Variants in CCT2 observed in about 807,000 individuals in gnomAD.
CCT2 encodes chaperonin containing TCP1 subunit 2, also known as T-complex protein 1 subunit beta.
In CCT2, 18 loss-of-function variants were observed where a neutral mutation model predicts 61.8. The ratio of observed to expected loss-of-function variants is 0.29; its 90% CI spans 0.20 to 0.43. CCT2 has a LOEUF of 0.43. Ranked by LOEUF, CCT2 falls within the 20% of genes least tolerant of loss-of-function variation. The pLI is 1.00. For synonymous variants in CCT2, 248 were observed against 215.9 expected (o/e 1.15, Z -1.30); for missense variants, 556 against 656.9 (o/e 0.85, Z 1.68).
In CCT2 at chr12:69,587,573, A is replaced by G. The variant is rs1390487936; in HGVS notation, c.213A>G (p.Leu71=). Residue 71 remains leucine (L), a synonymous_variant, in exon 4 of 16, where the codon CTA becomes CTG. Coordinates refer to ENST00000299300, the MANE Select transcript of CCT2 (RefSeq NM_006431.3). The part of the protein sequence containing the change: ...LMVTNDGATI[L]KNIGVDNPAA... The stretch of plus-strand genomic sequence containing the variant: ...TAACCAATGATGGTGCCACTATTCT[A>G]AAAAACATTGGTGTTGACAATCCAG... 3 of 1,613,506 alleles carry G rather than the reference A, an allele frequency of 1.9e-6. No homozygotes were observed. The highest frequency in any genetic ancestry group is 1.1e-5 in the South Asian group (1 of 91,070).
At chr12:69,600,033 T>G in intron 15 of CCT2, 29 bp downstream of exon 15, 1 of 1,578,234 alleles carries the variant, frequency 6.3e-7, no homozygotes, top group Non-Finnish European at 8.6e-7. Context: ...CAGAAAAAAT[T>G]ACTAACAGCA....
Position 69,589,684 on chromosome 12 carries a change from G to T in CCT2, c.646G>T (p.Glu216Ter). The change falls in exon 7 of 16, where the codon GAA (glutamate) becomes TAA (stop). Residue 216 changes from glutamate to a stop codon, truncating the protein, a stop_gained. Coordinates refer to ENST00000299300, the MANE Select transcript of CCT2 (RefSeq NM_006431.3). LOFTEE classifies it high-confidence loss of function. ...AAGTTTGGCAGATTCCTATTTAGAT[G>T]AAGGTATGTATGAATGTCAGATACA... ...GGSLADSYLD[E>*]GFLLDKKIGV... The T allele has an allele frequency of 6.2e-7, 1 of 1,609,412 alleles. No homozygotes were observed.
chr12:69,586,022 C>A, intron 1 of CCT2: 2 of 1,371,618 alleles, frequency 1.5e-6, no homozygotes, highest in South Asian at 3.3e-5. Context: ...ACGTAACTGT[C>A]AATCTCGCTG....
rs548244661 is a variant in CCT2 at position 69,591,617 on chromosome 12, A to T, written c.650-442A>T. ...ATATCTGAAACAAAAGTTTCAAAAT[A>T]CTGTTTAATTTTATTGTCTGTACTG... On this transcript the variant is annotated intron_variant, in intron 7 of 15. Coordinates refer to ENST00000299300, the MANE Select transcript of CCT2 (RefSeq NM_006431.3). Among the ~76,000 whole-genome samples the T allele has an allele frequency of 9.2e-5, 14 of 152,304 alleles. No individual in the cohort carries two copies. In the South Asian group the frequency reaches 2.9e-3, roughly 32 times the overall value.
Position 69,589,291 on chromosome 12 carries a change from T to G in CCT2, c.447-194T>G, listed in dbSNP as rs538651014. 3,051 of 517,702 alleles carry G rather than the reference T, an allele frequency of 5.9e-3. 74 individuals are homozygous for G. Among genetic ancestry groups the G allele is most frequent in the African/African-American group, 0.054 (2,633 of 48,608 alleles). The allele number at this position is 517,702 out of a possible 1,614,324, so 32.1% of individuals were successfully genotyped here. ...TGTGGCCCCCACCCCTCTTTTTTTT[T>G]TGGCATTTTGCCAGTTTGGTGGGGA... is the stretch of plus-strand genomic sequence containing the variant. On this transcript the variant is annotated intron_variant, in intron 6 of 15. Coordinates refer to ENST00000299300, the MANE Select transcript of CCT2 (RefSeq NM_006431.3).
At chr12:69,596,298 A>C (rs2135858048) in intron 10 of CCT2, among the ~76,000 whole-genome samples, 1 of 152,374 alleles carries the variant, frequency 6.6e-6, no homozygotes, top group African/African-American at 2.4e-5. Flanking sequence ...TTATTATAAA[A>C]TAAATAATAG....
intron 10 of CCT2, among the ~76,000 whole-genome samples, chr12:69,594,160 TA>T (rs1881920313): frequency 6.6e-6 from 1 of 151,982 alleles, no homozygotes; most frequent in Non-Finnish European, 1.5e-5. Flanking sequence ...AAGATATGTA[TA>T]TTTTTTTCTC....
intron 6 of CCT2, among the ~76,000 whole-genome samples, chr12:69,588,671 A>G (rs1380408562): frequency 6.6e-6 from 1 of 152,214 alleles, no homozygotes; most frequent in Middle Eastern, 3.2e-3. Flanking sequence ...TTTTAGCATT[A>G]TAAAATAACT....
chr12:69,597,008 A>G (rs1267347948), intron 10 of CCT2, 148 bp from the exon 11 acceptor site: 5 of 602,698 alleles, frequency 8.3e-6, no homozygotes, highest in Non-Finnish European at 1.4e-5. Context: ...GATATGAAGT[A>G]TTTAAAAAGA....
chr12:69,598,515 C>T (rs1882058659), intron 14 of CCT2, 94 bp downstream of exon 14: 1 of 694,532 alleles, frequency 1.4e-6, no homozygotes, highest in East Asian at 2.8e-5. Context: ...GTTACAATAA[C>T]CGTATAAAAG....
intron 3 of CCT2, chr12:69,587,019 T>A (rs1181832532): frequency 2.2e-6 from 1 of 450,952 alleles, no homozygotes; most frequent in East Asian, 3.5e-5. Context: ...AGTACTGTTA[T>A]CATTTGCACG....
At chr12:69,596,270 A>T (rs1290905104) in intron 10 of CCT2, among the ~76,000 whole-genome samples, 3 of 152,200 alleles carry the variant, frequency 2.0e-5, no homozygotes, top group Admixed American at 2.0e-4. Context: ...AGTTTCAAAG[A>T]CCAGAGTCTT....
intron 12 of CCT2, 61 bp downstream of exon 12, chr12:69,597,827 A>G: frequency 6.6e-7 from 1 of 1,514,262 alleles, no homozygotes; most frequent in Non-Finnish European, 9.1e-7. Flanking sequence ...ATAAGTCATA[A>G]GTGGTTTTAA....
rs1330787008 is a variant in CCT2, at chr12:69,597,190, A to G, written c.1017A>G (p.Glu339=). The G allele has an allele frequency of 6.2e-7, 1 of 1,613,862 alleles. No individual in the cohort carries two copies. Among genetic ancestry groups the G allele is most frequent in the Non-Finnish European group, 8.5e-7 (1 of 1,179,742 alleles). ...TTGCCTCTACCTTTGATCACCCAGAACTGGTGAAGCTTGGAAGTTGCAAAC... is the reference window on the plus strand; with the variant it reads ...TTGCCTCTACCTTTGATCACCCAGAGCTGGTGAAGCTTGGAAGTTGCAAAC... ...GEIASTFDHP[E]LVKLGSCKLI... is the part of the protein sequence containing the mutation. The change falls in exon 11 of 16, where the codon GAA becomes GAG. Residue 339 remains glutamate, a synonymous_variant. Coordinates refer to ENST00000299300, the MANE Select transcript of CCT2 (RefSeq NM_006431.3).
At chr12:69,597,135 A>G (rs1565802001) in intron 10 of CCT2, 21 bp from the exon 11 acceptor site, 3 of 1,610,274 alleles carry the variant, frequency 1.9e-6, no homozygotes, top group Non-Finnish European at 2.5e-6. Context: ...GCATTTAACT[A>G]ATACATGTTT....
Position 69,597,264 on chromosome 12 carries a change from G to A in CCT2, c.1091G>A (p.Gly364Glu). Residue 364 changes from glycine to glutamate, a missense_variant, in exon 11 of 16, where the codon GGG becomes GAG. Gly to Glu is a moderately conservative substitution (Grantham distance 98, BLOSUM62 -2). This residue lies in a region of CCT2 where 225 missense variants were observed against 249.8 expected (regional missense o/e 0.90). Transcript: ENST00000299300. Reference protein sequence around the residue: ...IGEDKLIHFSGVALGEACTIV... With the variant: ...IGEDKLIHFSEVALGEACTIV... Reference sequence around the variant, plus strand: ...GAAGACAAACTCATTCACTTTTCTGGGGTTGCCCTTGGTGAGTGATTATGT... The same window carrying A: ...GAAGACAAACTCATTCACTTTTCTGAGGTTGCCCTTGGTGAGTGATTATGT... 1 of 1,613,816 alleles carries A rather than the reference G, an allele frequency of 6.2e-7. No homozygotes were observed. Among genetic ancestry groups the A allele is most frequent in the East Asian group, 2.2e-5 (1 of 44,860 alleles).
At chr12:69,592,037 A>G (rs372835604) in intron 7 of CCT2, 22 bp from the exon 8 acceptor site, 5 of 1,305,382 alleles carry the variant, frequency 3.8e-6, no homozygotes, top group Non-Finnish European at 5.5e-6. Flanking sequence ...TAAATATGAT[A>G]CTGTTCTTAT....
chr12:69,598,318 A>T lies in CCT2; in HGVS notation c.1336-4A>T. 1 of 1,574,814 alleles carries T rather than the reference A, an allele frequency of 6.3e-7. No individual in the cohort carries two copies. The highest frequency in any genetic ancestry group is 1.2e-5 in the South Asian group (1 of 84,636). Reference sequence around the variant, plus strand: ...GTAGTTACTTGTTTTCTTCATTTTCATAGTTGCCAACCATCATAGCTGACA... The same window carrying T: ...GTAGTTACTTGTTTTCTTCATTTTCTTAGTTGCCAACCATCATAGCTGACA... On this transcript the variant is annotated splice_polypyrimidine_tract_variant and splice_region_variant and intron_variant, in intron 13 of 15. Coordinates refer to ENST00000299300, the MANE Select transcript of CCT2 (RefSeq NM_006431.3).
chr12:69,589,296 A>G (rs1038524984), intron 6 of CCT2, 189 bp from the exon 7 acceptor site: 6 of 577,574 alleles, frequency 1.0e-5, no homozygotes, highest in African/African-American at 1.9e-5. Context: ...TTTTTTTGGC[A>G]TTTTGCCAGT....
Sources: gnomAD v4.1 joint callset for allele counts (sites outside exome capture counted in the v4.1 genomes callset) on GRCh38, gnomAD v4.1.1 for gene constraint, gnomAD v4.1.1 regional missense constraint, MANE v1.5 for transcripts, NCBI Gene and HGNC (gene_info 2026-07-23, HGNC 2026-07-21) for gene names.